Variants in SPAG16 observed in about 807,000 individuals in gnomAD.
SPAG16 encodes the protein sperm associated antigen 16.
Under a neutral mutation model 80.4 loss-of-function variants are expected in SPAG16, and 86 were observed. The observed-to-expected ratio is 1.07, with a 90% CI of 0.90 to 1.28. The LOEUF is 1.28. Ranked by LOEUF, SPAG16 falls within the 50% of genes most tolerant of loss-of-function variation. SPAG16 has a pLI of 0.00. For missense variants in SPAG16, 870 were observed against 765.3 expected, an observed-to-expected ratio of 1.14 and a Z score of -1.61; for synonymous variants, 294 against 265.9, an observed-to-expected ratio of 1.11 and a Z score of -1.03.
chr2:213,863,295 T>C (rs1429352053), intron 11 of SPAG16, among the ~76,000 whole-genome samples: 4 of 152,192 alleles, frequency 2.6e-5, no homozygotes, highest in African/African-American at 9.6e-5. Context: ...TCTGGCCTGA[T>C]TACTTTTTTA....
intron 10 of SPAG16, among the ~76,000 whole-genome samples, chr2:213,804,716 A>C (rs1441495586): frequency 6.6e-6 from 1 of 151,902 alleles, no homozygotes; most frequent in East Asian, 1.9e-4. Flanking sequence ...TAACTAACTA[A>C]CTAACTAACT....
chr2:214,286,268 A>G (rs1288491326), intron 15 of SPAG16, among the ~76,000 whole-genome samples: 2 of 152,242 alleles, frequency 1.3e-5, no homozygotes, highest in South Asian at 4.1e-4. Context: ...CAATGTGACT[A>G]TAGTTAACAG....
intron 9 of SPAG16, among the ~76,000 whole-genome samples, chr2:213,405,165 G>A (rs1405546003): frequency 2.6e-5 from 4 of 152,174 alleles, no homozygotes; most frequent in African/African-American, 7.2e-5. Flanking sequence ...AGTTGTTTTT[G>A]TAGTGGGAGA....
intron 10 of SPAG16, among the ~76,000 whole-genome samples, chr2:213,589,064 A>G (rs919764812): frequency 1.3e-5 from 2 of 152,148 alleles, no homozygotes; most frequent in African/African-American, 2.4e-5. Context: ...AGGTTTTACA[A>G]AAAACATAAG....
intron 15 of SPAG16, among the ~76,000 whole-genome samples, chr2:214,190,223 AC>A (rs1484070804): frequency 6.6e-6 from 1 of 151,616 alleles, no homozygotes; most frequent in Non-Finnish European, 1.5e-5. Context: ...TCCTGGCATT[AC>A]TCTTGGAGTG....
rs182944341 is a variant in SPAG16, at chr2:213,477,058, G to C, written c.943-12905G>C. Among the ~76,000 whole-genome samples the C allele has an allele frequency of 1.8e-3, 280 of 152,206 alleles. 1 individual carries two copies. The highest frequency in any genetic ancestry group is 3.2e-3 in the Non-Finnish European group (215 of 68,002). On this transcript the variant is annotated intron_variant, in intron 9 of 15. Coordinates refer to ENST00000331683, the MANE Select transcript of SPAG16 (RefSeq NM_024532.5). ...TAGAATGGGGGAATGAATGCTGATT[G>C]GTCCATGGGTGGGCTCGAAAAAGGC... is the stretch of plus-strand genomic sequence containing the variant.
chr2:213,690,860 C>T (rs955604031), intron 10 of SPAG16, among the ~76,000 whole-genome samples: 2 of 152,138 alleles, frequency 1.3e-5, no homozygotes, highest in Non-Finnish European at 2.9e-5. Flanking sequence ...CTGAGGGCTG[C>T]ACTGTTGGCT....
At chr2:213,868,979 T>C (rs906669845) in intron 11 of SPAG16, among the ~76,000 whole-genome samples, 19 of 151,854 alleles carry the variant, frequency 1.3e-4, no homozygotes, top group Non-Finnish European at 2.1e-4. Context: ...GGACTGGGCA[T>C]GGTGGCTCAC....
chr2:213,377,454 T>C (rs2066933090), intron 9 of SPAG16, among the ~76,000 whole-genome samples: 1 of 152,226 alleles, frequency 6.6e-6, no homozygotes, highest in Admixed American at 6.5e-5. Context: ...TTTACTCTGG[T>C]TGCAAAACAC....
intron 10 of SPAG16, among the ~76,000 whole-genome samples, chr2:213,537,623 T>C (rs2076295799): frequency 6.6e-6 from 1 of 152,182 alleles, no homozygotes; most frequent in South Asian, 2.1e-4. Flanking sequence ...TCAGGTGTTT[T>C]TGGTTTTTGA....
intron 5 of SPAG16, among the ~76,000 whole-genome samples, chr2:213,322,062 T>C (rs1344095525): frequency 3.3e-5 from 5 of 149,744 alleles, no homozygotes; most frequent in Non-Finnish European, 5.9e-5. Context: ...ACCCTAAAAC[T>C]TAAAGTATAA....
At chr2:214,046,153 A>G (rs149416087) in intron 13 of SPAG16, among the ~76,000 whole-genome samples, 21 of 152,326 alleles carry the variant, frequency 1.4e-4, no homozygotes, top group Non-Finnish European at 2.9e-4. Context: ...TGAACCATGA[A>G]GAAATCCAAA....
At chr2:213,953,332 A>G (rs7425126) in intron 12 of SPAG16, among the ~76,000 whole-genome samples, 49,728 of 151,644 alleles carry the variant, frequency 0.33, 8,878 homozygotes, top group South Asian at 0.47. Flanking sequence ...AAATATTTTA[A>G]CATCCAAAGG....
chr2:214,013,918 A>G (rs2047448207), intron 12 of SPAG16, 33 bp from the exon 13 acceptor site: 1 of 1,605,342 alleles, frequency 6.2e-7, no homozygotes, highest in East Asian at 2.2e-5. Context: ...CATAGATACT[A>G]ACTCCTAAAA....
At chr2:213,768,818 A>G (rs1376701912) in intron 10 of SPAG16, among the ~76,000 whole-genome samples, 1 of 152,204 alleles carries the variant, frequency 6.6e-6, no homozygotes, top group Non-Finnish European at 1.5e-5. Context: ...AGATGTGGCC[A>G]TGCTGGACAA....
At chr2:213,470,449 G>A (rs2073015531) in intron 9 of SPAG16, among the ~76,000 whole-genome samples, 1 of 152,204 alleles carries the variant, frequency 6.6e-6, no homozygotes, top group African/African-American at 2.4e-5. Context: ...TCCGGAGTAA[G>A]TGTGTATTCC....
At chr2:213,485,446 C>G (rs528108895) in intron 9 of SPAG16, among the ~76,000 whole-genome samples, 149 of 152,190 alleles carry the variant, frequency 9.8e-4, no homozygotes, top group Admixed American at 1.8e-3. Flanking sequence ...TCAGTGTAAT[C>G]ATATCTGTAA....
chr2:214,083,365 T>G (rs957108597), intron 13 of SPAG16, among the ~76,000 whole-genome samples: 6 of 149,718 alleles, frequency 4.0e-5, no homozygotes, highest in South Asian at 2.1e-4. Context: ...AAGGAGGCAG[T>G]TTTTTTTTTC....
At chr2:213,878,294 C>G (rs2076213588) in intron 11 of SPAG16, among the ~76,000 whole-genome samples, 1 of 152,088 alleles carries the variant, frequency 6.6e-6, no homozygotes, top group South Asian at 2.1e-4. Flanking sequence ...TACATTCCCA[C>G]CAATAGTGTA....
Sources: allele counts gnomAD v4.1 joint callset (sites outside exome capture counted in the v4.1 genomes callset), GRCh38; gene constraint gnomAD v4.1.1; transcripts MANE v1.5; gene names NCBI Gene and HGNC (gene_info 2026-07-23, HGNC 2026-07-21).